The following FRS2 variants were observed in gnomAD, a reference collection of about 807,000 sequenced individuals.
The protein encoded by FRS2 is fibroblast growth factor receptor substrate 2, also known as FGFR signalling adaptor.
In FRS2, 8 loss-of-function variants were observed where a neutral mutation model predicts 43.9. The ratio of observed to expected loss-of-function variants is 0.18; its 90% CI spans 0.11 to 0.33. The LOEUF (loss-of-function observed/expected upper bound fraction) is 0.33, where lower values mean the gene tolerates loss of function less well. Ranked by LOEUF, FRS2 falls within the 10% of genes least tolerant of loss-of-function variation. The pLI, the probability that FRS2 is intolerant of heterozygous loss-of-function variation, is 1.00. For missense variants in FRS2, 534 were observed against 627.6 expected, an observed-to-expected ratio of 0.85 and a Z score of 1.59; for synonymous variants, 219 against 220.3, an observed-to-expected ratio of 0.99 and a Z score of 0.05.
chr12:69,492,647 G>T (rs1417114528), intron 1 of FRS2, among the ~76,000 whole-genome samples: 2 of 152,168 alleles, frequency 1.3e-5, no homozygotes, highest in Non-Finnish European at 1.5e-5. Context: ...TGGGAGAGAG[G>T]ATAGCTTGGC....
intron 3 of FRS2, among the ~76,000 whole-genome samples, chr12:69,549,318 A>G (rs559685608): frequency 1.3e-5 from 2 of 152,294 alleles, no homozygotes; most frequent in African/African-American, 4.8e-5. Flanking sequence ...TTCAGAAATA[A>G]TAACTTAAGA....
At position 69,477,993 on chromosome 12, in the gene FRS2, G is replaced by A. The variant is rs558345884; in HGVS notation, c.-261+7463G>A. ...CCTGACCTTGTGATCCGCCCACCTCGGCCTCCCAAAGTGCTGGAATTACAG... is the reference window on the plus strand; with the variant it reads ...CCTGACCTTGTGATCCGCCCACCTCAGCCTCCCAAAGTGCTGGAATTACAG... On this transcript the variant is annotated intron_variant, in intron 1 of 8. Transcript: ENST00000549921. 2.2e-4 allele frequency among the ~76,000 whole-genome samples: 33 copies of A among 151,340 alleles called. No homozygotes were observed. The South Asian group carries it at 6.1e-3, about 28-fold the overall frequency.
chr12:69,513,424 C>T (rs529274684), intron 1 of FRS2, among the ~76,000 whole-genome samples: 1 of 152,184 alleles, frequency 6.6e-6, no homozygotes, highest in African/African-American at 2.4e-5. Context: ...TTCAGCCTCC[C>T]CACAAACCTT....
intron 1 of FRS2, among the ~76,000 whole-genome samples, 194 bp from the exon 2 acceptor site, chr12:69,530,671 A>C (rs1316288621): frequency 6.6e-6 from 1 of 152,102 alleles, no homozygotes; most frequent in East Asian, 1.9e-4. Context: ...TGAGCCCATG[A>C]GATTGAGGCT....
rs201103216 is a variant in FRS2, at chr12:69,522,190, T to TTGTGTGTGTG, written c.-260-8637_-260-8628dup. On this transcript the variant is annotated intron_variant, in intron 1 of 8. Transcript: ENST00000549921. ...TCAAGGATATTGGCTGAAGTTTTCTTTGTGTGTGTGTGTGTGTGTGTGTGT... is the reference window on the plus strand; with the variant it reads ...TCAAGGATATTGGCTGAAGTTTTCTTTGTGTGTGTGTGTGTGTGTGTGTGTGTGTGTGTGT... 7.5e-3 allele frequency among the ~76,000 whole-genome samples: 1,010 copies of TTGTGTGTGTG among 134,782 alleles called. 8 individuals carry two copies. The highest frequency in any genetic ancestry group is 0.026 in the Middle Eastern group (7 of 274). The allele number at this position is 134,782 out of a possible 152,430, so 88.4% of individuals were successfully genotyped here.
chr12:69,519,869 T>C (rs1201353335), intron 1 of FRS2, among the ~76,000 whole-genome samples: 5 of 152,254 alleles, frequency 3.3e-5, no homozygotes. Flanking sequence ...GCAGTGATCA[T>C]ATATGTGCGT....
chr12:69,513,691 G>T (rs1204988298), intron 1 of FRS2, among the ~76,000 whole-genome samples: 1 of 152,106 alleles, frequency 6.6e-6, no homozygotes, highest in African/African-American at 2.4e-5. Flanking sequence ...ATGGTTTTCT[G>T]ATAATAATTA....
chr12:69,514,644 C>T (rs1287136237), intron 1 of FRS2, among the ~76,000 whole-genome samples: 1 of 152,040 alleles, frequency 6.6e-6, no homozygotes, highest in Non-Finnish European at 1.5e-5. Context: ...ACCAGCCTGG[C>T]CAACATGGCG....
intron 3 of FRS2, among the ~76,000 whole-genome samples, chr12:69,559,530 T>C (rs955601521): frequency 6.6e-6 from 1 of 152,138 alleles, no homozygotes; most frequent in African/African-American, 2.4e-5. Flanking sequence ...TTAAAAATAG[T>C]CACGTACCTT....
At chr12:69,554,567 G>A (rs752162159) in intron 3 of FRS2, among the ~76,000 whole-genome samples, 6 of 152,116 alleles carry the variant, frequency 3.9e-5, no homozygotes, top group South Asian at 4.1e-4. Context: ...TTACATAACC[G>A]TGACATATTT....
rs138079746 is a variant in FRS2 at position 69,536,616 on chromosome 12, G to C, written c.-122+4560G>C. Among the ~76,000 whole-genome samples, 280 of 138,874 alleles carry C rather than the reference G, an allele frequency of 2.0e-3. 3 individuals carry two copies. The highest frequency in any genetic ancestry group is 7.3e-3 in the African/African-American group (267 of 36,818). 91.1% of individuals were successfully genotyped at this position (138,874 alleles called of 152,430 possible). A position where few individuals can be genotyped will look rare whatever the true frequency, so the allele number is the denominator to read the frequency against. On this transcript the variant is annotated intron_variant, in intron 3 of 8. Coordinates refer to ENST00000549921, the MANE Select transcript of FRS2 (RefSeq NM_001278356.2). ...CTTTTTTGAGACAAGATCTCACTCT[G>C]TTGCCCAGGCTGGAGTGCAGTGGCA...
rs1157209591 is a variant in FRS2 at position 69,574,454 on chromosome 12, A to G, written c.1026A>G (p.Arg342=). The change falls in exon 9 of 9, where the codon AGA becomes AGG. Residue 342 remains arginine (R), a synonymous_variant. Transcript: ENST00000549921. ...AGAATATCAACAACTCAGCTCAGAG[A>G]AGAACTGCATTATTAAACTATGAAA... ...DTQNINNSAQ[R]RTALLNYENL... 6.2e-7 allele frequency: 1 copy of G among 1,614,030 alleles called. No homozygotes were observed. The highest frequency in any genetic ancestry group is 1.7e-5 in the Admixed American group (1 of 60,018).
At chr12:69,565,039 G>A (rs761555819) in intron 4 of FRS2, among the ~76,000 whole-genome samples, 61 of 152,124 alleles carry the variant, frequency 4.0e-4, no homozygotes, top group Non-Finnish European at 6.6e-4. Flanking sequence ...TCGTCACTGC[G>A]CAAACGTCAT....
intron 3 of FRS2, among the ~76,000 whole-genome samples, chr12:69,535,357 T>C (rs1877171713): frequency 6.6e-6 from 1 of 152,188 alleles, no homozygotes; most frequent in African/African-American, 2.4e-5. Flanking sequence ...TATCCTTTTT[T>C]GTTAATCCCT....
chr12:69,485,266 T>A (rs1286830725), intron 1 of FRS2, among the ~76,000 whole-genome samples: 2 of 152,020 alleles, frequency 1.3e-5, no homozygotes, highest in Non-Finnish European at 2.9e-5. Context: ...CACTGAAAGC[T>A]CCGCTTCCCA....
At chr12:69,540,901 A>G (rs1014219525) in intron 3 of FRS2, among the ~76,000 whole-genome samples, 2 of 152,184 alleles carry the variant, frequency 1.3e-5, no homozygotes, top group African/African-American at 2.4e-5. Flanking sequence ...CTCCCAGTCT[A>G]ATTATGAGAA....
chr12:69,557,522 G>A (rs1439818999), intron 3 of FRS2, among the ~76,000 whole-genome samples: 3 of 151,954 alleles, frequency 2.0e-5, no homozygotes, highest in Non-Finnish European at 2.9e-5. Flanking sequence ...TGTTGCTAGA[G>A]GATGGTATTT....
At chr12:69,551,225 G>A (rs996696623) in intron 3 of FRS2, among the ~76,000 whole-genome samples, 13 of 152,104 alleles carry the variant, frequency 8.5e-5, no homozygotes, top group African/African-American at 2.4e-4. Context: ...GGTGGTATAC[G>A]CCTGTAGTCC....
rs1338921862 is a variant in FRS2 at position 69,516,508 on chromosome 12, G to A, written c.-260-14357G>A. 2.6e-5 allele frequency among the ~76,000 whole-genome samples: 4 copies of A among 152,266 alleles called. No individual in the cohort carries two copies. The East Asian group carries it at 7.7e-4, about 29-fold the overall frequency. Reference sequence around the variant, plus strand: ...GCTGGGATTACAGGCGTGAGCCACTGCGCCCGGCCAAAAGTGAGTAGATTA... The same window carrying A: ...GCTGGGATTACAGGCGTGAGCCACTACGCCCGGCCAAAAGTGAGTAGATTA... On this transcript the variant is annotated intron_variant, in intron 1 of 8. Transcript: ENST00000549921.
Sources: allele counts gnomAD v4.1 joint callset (sites outside exome capture counted in the v4.1 genomes callset), GRCh38; gene constraint gnomAD v4.1.1; transcripts MANE v1.5; gene names NCBI Gene and HGNC (gene_info 2026-07-23, HGNC 2026-07-21).